ALK: variants seen among roughly 807,000 people sequenced by gnomAD.
The protein encoded by ALK is ALK tyrosine kinase receptor.
Under a neutral mutation model 163.1 loss-of-function variants are expected in ALK, and 74 were observed. The observed-to-expected ratio is 0.45, with a 90% CI of 0.38 to 0.55. ALK has a LOEUF of 0.55. Ranked by LOEUF, ALK falls within the 20% of genes least tolerant of loss-of-function variation. ALK has a pLI of 0.00. For missense variants in ALK, 2,063 were observed against 2,105.3 expected (o/e 0.98, Z 0.39); for synonymous variants, 960 against 843.2 (o/e 1.14, Z -2.40).
chr2:29,505,210 T>C (rs1228745294), intron 4 of ALK, among the ~76,000 whole-genome samples: 1 of 152,104 alleles, frequency 6.6e-6, no homozygotes, highest in Non-Finnish European at 1.5e-5. Context: ...AGGCTGTGAA[T>C]TCTCTACTGG....
chr2:29,422,036 T>C (rs2148067672), intron 4 of ALK, among the ~76,000 whole-genome samples: 1 of 151,610 alleles, frequency 6.6e-6, no homozygotes, highest in South Asian at 2.1e-4. Context: ...GACAACTCCA[T>C]TTTGATAAAG....
At chr2:29,734,319 A>G (rs1679831136) in intron 1 of ALK, among the ~76,000 whole-genome samples, 1 of 152,222 alleles carries the variant, frequency 6.6e-6, no homozygotes, top group Admixed American at 6.5e-5. Context: ...GTTGCCCTAA[A>G]GAGAAGAGAC....
chr2:29,229,047 A>T lies in ALK; in HGVS notation c.2652T>A (p.Asn884Lys). 1.2e-6 allele frequency: 2 copies of T among 1,613,302 alleles called. No homozygotes were observed. The highest frequency in any genetic ancestry group is 2.2e-5 in the South Asian group (2 of 91,044). ...SGAAGGGGGWNDNTSLLWAGK... is the reference protein window; with the variant it reads ...SGAAGGGGGWKDNTSLLWAGK... ...CGGCCCAGAGCAAGGAAGTGTTATC[A>T]TTCCAGCCACCTCCACCACCTGCGG... The change falls in exon 16 of 29, where the codon AAT (asparagine) becomes AAA (lysine). Residue 884 changes from asparagine (N) to lysine (K), a missense_variant. Around this residue, in one of 5 missense-constraint regions of ALK, gnomAD observed 575 missense variants for 626.6 expected, o/e 0.92. Coordinates refer to ENST00000389048, the MANE Select transcript of ALK (RefSeq NM_004304.5).
intron 1 of ALK, among the ~76,000 whole-genome samples, chr2:29,735,883 T>A (rs1186591908): frequency 6.6e-6 from 1 of 152,086 alleles, no homozygotes; most frequent in Admixed American, 6.5e-5. Context: ...CTCTTTCCTT[T>A]ATGAATTACC....
intron 1 of ALK, among the ~76,000 whole-genome samples, chr2:29,822,268 T>C (rs1665069929): frequency 6.6e-6 from 1 of 152,154 alleles, no homozygotes; most frequent in Non-Finnish European, 1.5e-5. Flanking sequence ...GCTCCCAACC[T>C]GGTTGTTCTT....
chr2:29,680,795 A>G (rs1678041319), intron 3 of ALK, among the ~76,000 whole-genome samples: 1 of 152,090 alleles, frequency 6.6e-6, no homozygotes, highest in Non-Finnish European at 1.5e-5. Flanking sequence ...ACATTTTAGA[A>G]AATGTATTAC....
At chr2:29,195,595 T>A (rs1669002190) in intron 28 of ALK, among the ~76,000 whole-genome samples, 1 of 151,936 alleles carries the variant, frequency 6.6e-6, no homozygotes, top group South Asian at 2.1e-4. Flanking sequence ...ATTAGCTGGA[T>A]ATGGTGGCAC....
At chr2:29,578,233 G>C (rs1674579867) in intron 3 of ALK, among the ~76,000 whole-genome samples, 1 of 152,042 alleles carries the variant, frequency 6.6e-6, no homozygotes, top group East Asian at 1.9e-4. Context: ...GTTCATGTAA[G>C]ACATGACTTG....
chr2:29,403,893 C>T (rs1267358580), intron 4 of ALK, among the ~76,000 whole-genome samples: 2 of 151,872 alleles, frequency 1.3e-5, no homozygotes, highest in East Asian at 1.9e-4. Flanking sequence ...ACTTGAGCAA[C>T]AGAGAGAGAC....
chr2:29,906,650 T>TA (rs1667555131), intron 1 of ALK, among the ~76,000 whole-genome samples: 1 of 152,168 alleles, frequency 6.6e-6, no homozygotes, highest in African/African-American at 2.4e-5. Flanking sequence ...ATCCTTCACT[T>TA]ACTGGCTGTG....
At chr2:29,682,457 CA>C (rs1227326309) in intron 3 of ALK, among the ~76,000 whole-genome samples, 1 of 152,102 alleles carries the variant, frequency 6.6e-6, no homozygotes, top group Non-Finnish European at 1.5e-5. Context: ...AGAGCTTGGA[CA>C]TGGGAGAGAT....
chr2:29,215,623 G>T (rs946242979), intron 23 of ALK, among the ~76,000 whole-genome samples: 6 of 152,220 alleles, frequency 3.9e-5, no homozygotes, highest in African/African-American at 1.4e-4. Context: ...TAAGGATCTG[G>T]GTTGGGAGAG....
chr2:29,197,474 G>A (rs1427940438), intron 27 of ALK, 68 bp downstream of exon 27: 21 of 1,604,968 alleles, frequency 1.3e-5, no homozygotes, highest in African/African-American at 2.7e-5. Flanking sequence ...AGCATATGTG[G>A]CTCTGGATAT....
At chr2:29,516,220 C>T (rs1032878139) in intron 4 of ALK, among the ~76,000 whole-genome samples, 39 of 152,326 alleles carry the variant, frequency 2.6e-4, no homozygotes, top group African/African-American at 8.9e-4. Flanking sequence ...TGAAACAACT[C>T]CTCTGCTAAG....
chr2:29,725,470 G>A (rs920760946), intron 1 of ALK, among the ~76,000 whole-genome samples: 15 of 152,132 alleles, frequency 9.9e-5, no homozygotes, highest in Admixed American at 4.6e-4. Context: ...GCTGGGATTC[G>A]GGTTGTGCCA....
At chr2:29,382,702 A>T (rs1668929586) in intron 5 of ALK, among the ~76,000 whole-genome samples, 2 of 152,320 alleles carry the variant, frequency 1.3e-5, no homozygotes, top group South Asian at 2.1e-4. Flanking sequence ...ACATTTGTAC[A>T]AGCTCCTGGC....
chr2:29,404,369 C>A (rs146930938), intron 4 of ALK, among the ~76,000 whole-genome samples: 119 of 148,094 alleles, frequency 8.0e-4, no homozygotes, highest in African/African-American at 2.9e-3. Context: ...AAATAAATAA[C>A]ATATAAATAT....
At chr2:29,420,064 G>A (rs1669978564) in intron 4 of ALK, among the ~76,000 whole-genome samples, 2 of 150,440 alleles carry the variant, frequency 1.3e-5, no homozygotes, top group Admixed American at 6.6e-5. Context: ...GGCTGAGGCA[G>A]GAGGATCGCT....
intron 3 of ALK, among the ~76,000 whole-genome samples, chr2:29,658,211 A>G (rs1677245666): frequency 6.6e-6 from 1 of 152,168 alleles, no homozygotes; most frequent in African/African-American, 2.4e-5. Flanking sequence ...TAGCACTCAA[A>G]TGAGAGCAGT....
Sources: gnomAD v4.1 joint callset for allele counts (sites outside exome capture counted in the v4.1 genomes callset) on GRCh38, gnomAD v4.1.1 for gene constraint, gnomAD v4.1.1 regional missense constraint, MANE v1.5 for transcripts, NCBI Gene and HGNC (gene_info 2026-07-23, HGNC 2026-07-21) for gene names.